Variants in GABBR2 observed in about 807,000 individuals in gnomAD.
The protein encoded by GABBR2 is G-protein coupled receptor 51.
Under a neutral mutation model 105.6 loss-of-function variants are expected in GABBR2, and 23 were observed. That is an observed-to-expected ratio of 0.22 (90% CI 0.16 to 0.31). The LOEUF is 0.31. Among genes scored for constraint, GABBR2 ranks in the 10% least tolerant of loss-of-function variants. The pLI is 1.00. For missense variants in GABBR2, 734 were observed against 1,245.5 expected (o/e 0.59, Z 6.18); for synonymous variants, 478 against 499.7 (o/e 0.96, Z 0.58).
intron 13 of GABBR2, among the ~76,000 whole-genome samples, chr9:98,312,963 CG>C (rs781478502): frequency 2.6e-5 from 4 of 152,016 alleles, no homozygotes; most frequent in Non-Finnish European, 5.9e-5. Flanking sequence ...CTGGCCAGGC[CG>C]GTCTTGAGCT....
intron 2 of GABBR2, among the ~76,000 whole-genome samples, chr9:98,543,070 GT>G (rs1260465172): frequency 1.3e-5 from 2 of 152,206 alleles, no homozygotes; most frequent in Admixed American, 6.5e-5. Context: ...AGTCAAAGCT[GT>G]CCATCGTTCT....
At chr9:98,685,970 T>A (rs1230840250) in intron 1 of GABBR2, among the ~76,000 whole-genome samples, 1 of 152,220 alleles carries the variant, frequency 6.6e-6, no homozygotes, top group Non-Finnish European at 1.5e-5. Context: ...ATTACAGGTA[T>A]GAGCCACTGC....
intron 4 of GABBR2, among the ~76,000 whole-genome samples, chr9:98,494,449 C>G (rs558179164): frequency 6.6e-6 from 1 of 152,194 alleles, no homozygotes; most frequent in Non-Finnish European, 1.5e-5. Context: ...CAGATGAGTA[C>G]TCTGTCATTA....
At chr9:98,577,372 TG>T (rs1353864911) in intron 2 of GABBR2, among the ~76,000 whole-genome samples, 6 of 152,358 alleles carry the variant, frequency 3.9e-5, no homozygotes, top group Admixed American at 3.3e-4. Flanking sequence ...GAGCATTCAA[TG>T]ATGTATAAAA....
At chr9:98,300,402 C>T (rs969735927) in intron 16 of GABBR2, among the ~76,000 whole-genome samples, 6 of 152,172 alleles carry the variant, frequency 3.9e-5, no homozygotes, top group Non-Finnish European at 8.8e-5. Context: ...ACTTTGTCCT[C>T]CCAAAGCGTT....
chr9:98,675,864 T>C (rs796643829), intron 1 of GABBR2, among the ~76,000 whole-genome samples: 1 of 152,312 alleles, frequency 6.6e-6, no homozygotes, highest in African/African-American at 2.4e-5. Flanking sequence ...GTATTCAACA[T>C]TTCCAGAGCA....
chr9:98,493,072 T>C (rs1827211826), intron 4 of GABBR2, among the ~76,000 whole-genome samples: 1 of 152,246 alleles, frequency 6.6e-6, no homozygotes, highest in Non-Finnish European at 1.5e-5. Context: ...TATTAGTCAA[T>C]CATTTACATA....
chr9:98,413,179 T>C (rs2131541647), intron 7 of GABBR2, among the ~76,000 whole-genome samples: 1 of 152,322 alleles, frequency 6.6e-6, no homozygotes, highest in South Asian at 2.1e-4. Context: ...CAGATCAATG[T>C]CTGTGTGAGG....
chr9:98,441,773 G>A (rs1167399239), intron 7 of GABBR2, among the ~76,000 whole-genome samples: 1 of 152,156 alleles, frequency 6.6e-6, no homozygotes, highest in Non-Finnish European at 1.5e-5. Context: ...TAATGCCATT[G>A]AATTTGTACA....
In GABBR2 at chr9:98,708,553, A is replaced by T; in HGVS notation, c.185T>A (p.Met62Lys). The T allele has an allele frequency of 6.3e-7, 1 of 1,589,518 alleles. No homozygotes were observed. The stretch of plus-strand genomic sequence containing the variant: ...CTTGGCCACCTCCTTGGTGAGCGGC[A>T]TGAGGCCCATGATGGAGAGCGGCGG... ...SSPPLSIMGLMPLTKEVAKGS... is the reference protein window; with the variant it reads ...SSPPLSIMGLKPLTKEVAKGS... Residue 62 changes from methionine (M) to lysine (K), a missense_variant, in exon 1 of 19, where the codon ATG becomes AAG. By Grantham distance (95) the Met-to-Lys change is moderately conservative. This residue lies in a region of GABBR2 where 370 missense variants were observed against 648.9 expected (regional missense o/e 0.57). Transcript: ENST00000259455.
At position 98,541,969 on chromosome 9, in the gene GABBR2, T is replaced by G. The variant is rs79679873; in HGVS notation, c.534A>C (p.Ser178=). Residue 178 remains serine, a synonymous_variant, in exon 3 of 19, where the codon TCA becomes TCC. Coordinates refer to ENST00000259455, the MANE Select transcript of GABBR2 (RefSeq NM_005458.8). ...GAATGGCTGGATTCACCGCATTGTC[T>G]GATGGGACGGTCCGAAAGAAATAAG... ...KYPYFFRTVP[S]DNAVNPAILK... The G allele has an allele frequency of 5.6e-6, 9 of 1,614,052 alleles. No homozygotes were observed. The highest frequency in any genetic ancestry group is 5.3e-5 in the African/African-American group (4 of 74,946).
At chr9:98,545,266 C>A (rs1257690978) in intron 2 of GABBR2, among the ~76,000 whole-genome samples, 1 of 152,126 alleles carries the variant, frequency 6.6e-6, no homozygotes, top group African/African-American at 2.4e-5. Flanking sequence ...ACAATATGTG[C>A]CCCGGGTCTA....
intron 7 of GABBR2, among the ~76,000 whole-genome samples, chr9:98,450,919 C>G (rs1305765426): frequency 6.6e-6 from 1 of 152,144 alleles, no homozygotes; most frequent in African/African-American, 2.4e-5. Context: ...CTATCAGGCA[C>G]CTAGGCAAAA....
Position 98,675,714 on chromosome 9 carries a change from C to T in GABBR2, c.321+32703G>A, listed in dbSNP as rs896448608. ...AGGGGCCTCCTCTTCATTTCCCTTG[C>T]CCCAGATTGAGAGTCTATGCACTTA... is the stretch of plus-strand genomic sequence containing the variant. On this transcript the variant is annotated intron_variant, in intron 1 of 18. Transcript: ENST00000259455. Among the ~76,000 whole-genome samples the T allele has an allele frequency of 1.9e-4, 29 of 152,150 alleles. 1 individual carries two copies. Among genetic ancestry groups the T allele is most frequent in the African/African-American group, 6.3e-4 (26 of 41,424 alleles).
At position 98,290,662 on chromosome 9, in the gene GABBR2, G is replaced by T; in HGVS notation, c.2748C>A (p.Ser916Arg). The stretch of plus-strand genomic sequence containing the variant: ...GGCTGGCGGTGGGGCTGACGCAGGG[G>T]CTGACACAGCTGGCGTCCACGCCTC... Reference protein sequence around the residue: ...SIGGVDASCVSPCVSPTASPR... With the variant: ...SIGGVDASCVRPCVSPTASPR... The change falls in exon 19 of 19, where the codon AGC becomes AGA. Residue 916 changes from serine (S) to arginine (R), a missense_variant. This residue lies in a region of GABBR2 where 134 missense variants were observed against 171.2 expected (regional missense o/e 0.78). Transcript: ENST00000259455. 6.8e-7 allele frequency: 1 copy of T among 1,473,964 alleles called. No individual in the cohort carries two copies. The highest frequency in any genetic ancestry group is 3.1e-5 in the Admixed American group (1 of 32,410). 91.3% of individuals were successfully genotyped at this position (1,473,964 alleles called of 1,614,324 possible). A position where few individuals can be genotyped will look rare whatever the true frequency, so the allele number is the denominator to read the frequency against.
At chr9:98,491,500 G>A (rs756622398) in intron 4 of GABBR2, among the ~76,000 whole-genome samples, 6 of 152,084 alleles carry the variant, frequency 3.9e-5, no homozygotes, top group Non-Finnish European at 7.4e-5. Context: ...TTTCTGTTTC[G>A]AAACATGGAT....
At chr9:98,382,326 T>A (rs1190586768) in intron 11 of GABBR2, among the ~76,000 whole-genome samples, 2 of 152,098 alleles carry the variant, frequency 1.3e-5, no homozygotes, top group Admixed American at 1.3e-4. Context: ...CAGTATCTTT[T>A]TTTTTGAGAC....
intron 4 of GABBR2, among the ~76,000 whole-genome samples, chr9:98,488,577 A>G (rs1368657637): frequency 1.3e-5 from 2 of 152,172 alleles, no homozygotes; most frequent in Non-Finnish European, 2.9e-5. Flanking sequence ...GCATCAATAT[A>G]AAAAATAAAG....
rs73657150 is a variant in GABBR2 at position 98,342,283 on chromosome 9, C to T, written c.1893+20432G>A. Among the ~76,000 whole-genome samples, 1,090 of 151,924 alleles carry T rather than the reference C, an allele frequency of 7.2e-3. 18 individuals carry two copies. The highest frequency in any genetic ancestry group is 0.023 in the African/African-American group (952 of 41,370). On this transcript the variant is annotated intron_variant, in intron 13 of 18. Coordinates refer to ENST00000259455, the MANE Select transcript of GABBR2 (RefSeq NM_005458.8). The stretch of plus-strand genomic sequence containing the variant: ...AAGGGGGTGTTCTGGGTAGAAGGTG[C>T]GCAGGCATAGAGGAAGAGAGTGGGA...
Sources: gnomAD v4.1 joint callset for allele counts (sites outside exome capture counted in the v4.1 genomes callset) on GRCh38, gnomAD v4.1.1 for gene constraint, gnomAD v4.1.1 regional missense constraint, MANE v1.5 for transcripts, NCBI Gene and HGNC (gene_info 2026-07-23, HGNC 2026-07-21) for gene names.